XXYLT1: variants seen among roughly 807,000 people sequenced by gnomAD.
The protein encoded by XXYLT1 is UDP-xylose:alpha-xyloside alpha-1,3-xylosyltransferase.
Under a neutral mutation model 28.9 loss-of-function variants are expected in XXYLT1, and 20 were observed. The ratio of observed to expected loss-of-function variants is 0.69; its 90% CI spans 0.49 to 1.00. XXYLT1 has a LOEUF of 1.00. Ranked by LOEUF, XXYLT1 falls within the 50% of genes least tolerant of loss-of-function variation. The pLI is 0.00. For synonymous variants in XXYLT1, 257 were observed against 253.8 expected (o/e 1.01, Z -0.12); for missense variants, 542 against 560.1 (o/e 0.97, Z 0.33).
chr3:195,109,834 CGT>C (rs1287734011), intron 3 of XXYLT1, among the ~76,000 whole-genome samples: 4,673 of 32,102 alleles, frequency 0.15, 1,431 homozygotes, highest in African/African-American at 0.37. Flanking sequence ...TATGAGTGTG[CGT>C]GTGTGTGGTG....
chr3:195,259,435 G>A (rs1725599907), intron 1 of XXYLT1, among the ~76,000 whole-genome samples: 1 of 152,234 alleles, frequency 6.6e-6, no homozygotes, highest in African/African-American at 2.4e-5. Flanking sequence ...CGGTGTGAGT[G>A]GTCCCAGGGC....
intron 2 of XXYLT1, among the ~76,000 whole-genome samples, chr3:195,204,001 A>G (rs1325483566): frequency 2.0e-5 from 3 of 152,222 alleles, no homozygotes; most frequent in Non-Finnish European, 2.9e-5. Context: ...AAAAAGCCTC[A>G]GGTTTTTGCT....
intron 2 of XXYLT1, among the ~76,000 whole-genome samples, chr3:195,179,823 G>A (rs987709355): frequency 6.6e-6 from 1 of 152,126 alleles, no homozygotes; most frequent in Non-Finnish European, 1.5e-5. Context: ...ATTTAAAAAC[G>A]AGTCACAATT....
At position 195,249,683 on chromosome 3, in the gene XXYLT1, G is replaced by A. The variant is rs192318527; in HGVS notation, c.504+20872C>T. ...CCTTTCAGGCACAAGGGTTGCCCTC[G>A]CTTCACTTGTCCTATTTGACTCCTT... is the stretch of plus-strand genomic sequence containing the variant. On this transcript the variant is annotated intron_variant, in intron 1 of 3. Transcript: ENST00000310380. 5.6e-4 allele frequency among the ~76,000 whole-genome samples: 86 copies of A among 152,288 alleles called. 1 individual carries two copies. Among genetic ancestry groups the A allele is most frequent in the Middle Eastern group, 3.4e-3 (1 of 294 alleles).
intron 3 of XXYLT1, among the ~76,000 whole-genome samples, chr3:195,123,779 G>C (rs373764447): frequency 3.9e-5 from 6 of 152,132 alleles, no homozygotes; most frequent in African/African-American, 1.4e-4. Context: ...ATCACAAAGG[G>C]GGGCACCAGA....
chr3:195,196,524 A>C (rs1428418961), intron 2 of XXYLT1, among the ~76,000 whole-genome samples: 2 of 152,244 alleles, frequency 1.3e-5, no homozygotes, highest in Admixed American at 1.3e-4. Context: ...GCCTTTCAGC[A>C]ACAGATCTCA....
Position 195,150,497 on chromosome 3 carries a change from A to C in XXYLT1, c.785+5952T>G, listed in dbSNP as rs568161452. ...TGGCACAGCACCATCAGCAAATAAA[A>C]CCATGTGACTTAAAAAGGTGAACGA... On this transcript the variant is annotated intron_variant, in intron 3 of 3. Coordinates refer to ENST00000310380, the MANE Select transcript of XXYLT1 (RefSeq NM_152531.5). The surrounding 1 kb of genome is among the most constrained non-coding windows in gnomAD (Gnocchi z 4.7). Among the ~76,000 whole-genome samples the C allele has an allele frequency of 1.3e-5, 2 of 152,346 alleles. No homozygotes were observed. Among genetic ancestry groups the C allele is most frequent in the Admixed American group, 1.3e-4 (2 of 15,308 alleles).
chr3:195,268,703 C>A (rs549363605), intron 1 of XXYLT1, among the ~76,000 whole-genome samples: 2 of 152,336 alleles, frequency 1.3e-5, no homozygotes, highest in Admixed American at 1.3e-4. Flanking sequence ...TAAACCCTCA[C>A]CCCTCAACAG....
intron 3 of XXYLT1, among the ~76,000 whole-genome samples, chr3:195,145,583 T>C (rs1719801420): frequency 7.1e-6 from 1 of 141,628 alleles, no homozygotes; most frequent in Non-Finnish European, 1.5e-5. Flanking sequence ...CCGGCATTGA[T>C]GGGGCCCTGC....
intron 2 of XXYLT1, among the ~76,000 whole-genome samples, chr3:195,206,078 G>A (rs573756709): frequency 2.7e-4 from 38 of 141,946 alleles, no homozygotes; most frequent in African/African-American, 9.3e-4. Flanking sequence ...AGCCTGGAGT[G>A]CAGTGGCACG....
intron 1 of XXYLT1, among the ~76,000 whole-genome samples, chr3:195,244,311 T>C (rs1291323013): frequency 1.3e-5 from 2 of 152,172 alleles, no homozygotes; most frequent in African/African-American, 4.8e-5. Flanking sequence ...AGCTTCACCC[T>C]CGCTGCAAGG....
At chr3:195,143,819 TAGATATATATAG>T (rs1432923245) in intron 3 of XXYLT1, among the ~76,000 whole-genome samples, 3 of 100,892 alleles carry the variant, frequency 3.0e-5, no homozygotes, top group Admixed American at 1.0e-4. Context: ...TATATAGATA[TAGATATATATAG>T]ATATAGATAT....
At chr3:195,135,379 A>G (rs2108637056) in intron 3 of XXYLT1, among the ~76,000 whole-genome samples, 1 of 152,338 alleles carries the variant, frequency 6.6e-6, no homozygotes, top group East Asian at 1.9e-4. Flanking sequence ...ACCTGAGTCT[A>G]TCTTTCCATC....
intron 3 of XXYLT1, among the ~76,000 whole-genome samples, chr3:195,088,157 GA>G (rs1715875005): frequency 6.7e-6 from 1 of 150,298 alleles, no homozygotes; most frequent in Non-Finnish European, 1.5e-5. Flanking sequence ...AAGCAGCCGG[GA>G]AGCTCGAACT....
At chr3:195,113,281 GA>G (rs1717878771) in intron 3 of XXYLT1, among the ~76,000 whole-genome samples, 1 of 152,200 alleles carries the variant, frequency 6.6e-6, no homozygotes, top group South Asian at 2.1e-4. Context: ...CGGGAGCTCG[GA>G]AAAACGCCAG....
intron 3 of XXYLT1, among the ~76,000 whole-genome samples, chr3:195,100,782 T>C (rs537473026): frequency 6.6e-6 from 1 of 152,244 alleles, no homozygotes; most frequent in Non-Finnish European, 1.5e-5. Flanking sequence ...ACTATGTCTA[T>C]GGTTGTGGGG....
chr3:195,260,394 A>T (rs953256709), intron 1 of XXYLT1, among the ~76,000 whole-genome samples: 4 of 152,170 alleles, frequency 2.6e-5, no homozygotes, highest in Non-Finnish European at 5.9e-5. Context: ...GGAGCACAGG[A>T]CAAAACCTGT....
At chr3:195,118,856 G>A (rs900929578) in intron 3 of XXYLT1, among the ~76,000 whole-genome samples, 2 of 152,206 alleles carry the variant, frequency 1.3e-5, no homozygotes, top group Non-Finnish European at 1.5e-5. Context: ...CTTTCGAAAC[G>A]TAGTTCCCTG....
chr3:195,128,164 T>G (rs1246594639), intron 3 of XXYLT1, among the ~76,000 whole-genome samples: 1 of 152,156 alleles, frequency 6.6e-6, no homozygotes, highest in Non-Finnish European at 1.5e-5. Context: ...CTTTCTAGCA[T>G]GCAGTCCTAG....
Sources: allele counts gnomAD v4.1 joint callset (sites outside exome capture counted in the v4.1 genomes callset), GRCh38; gene constraint gnomAD v4.1.1; non-coding constraint Gnocchi (gnomAD v3.1); transcripts MANE v1.5; gene names NCBI Gene and HGNC (gene_info 2026-07-23, HGNC 2026-07-21).